Variants in TRAF2 observed in about 807,000 individuals in gnomAD.
TRAF2 encodes TNF receptor-associated factor 2.
Under a neutral mutation model 55.6 loss-of-function variants are expected in TRAF2, and 6 were observed. That is an observed-to-expected ratio of 0.11 (90% CI 0.06 to 0.21). The LOEUF (loss-of-function observed/expected upper bound fraction) is 0.21, where lower values mean the gene tolerates loss of function less well. Among genes scored for constraint, TRAF2 ranks in the 10% least tolerant of loss-of-function variants. The probability of loss-of-function intolerance (pLI) is 1.00; values close to 1 mark genes in which losing one functional copy is unlikely to be tolerated. For synonymous variants in TRAF2, 329 were observed against 276.3 expected (o/e 1.19, Z -1.89); for missense variants, 561 against 684.5 (o/e 0.82, Z 2.01).
chr9:136,918,788 T>A (rs1029978580), intron 7 of TRAF2, among the ~76,000 whole-genome samples: 1 of 152,072 alleles, frequency 6.6e-6, no homozygotes, highest in Non-Finnish European at 1.5e-5. Flanking sequence ...CAGGCTGGAG[T>A]GCAGTGGCGC....
At chr9:136,899,811 G>T in intron 3 of TRAF2, 139 bp downstream of exon 3, 1 of 745,982 alleles carries the variant, frequency 1.3e-6, no homozygotes. Context: ...GATTGCTTGA[G>T]TCCAGGAGTT....
chr9:136,906,295 T>C (rs1408616787), intron 4 of TRAF2, among the ~76,000 whole-genome samples: 2 of 152,042 alleles, frequency 1.3e-5, no homozygotes, highest in African/African-American at 4.8e-5. Flanking sequence ...TATAAAGAAA[T>C]ACCCGAGACT....
At chr9:136,925,637 G>A in intron 10 of TRAF2, 46 bp from the exon 11 acceptor site, 16 of 1,595,592 alleles carry the variant, frequency 1.0e-5, no homozygotes, top group African/African-American at 1.3e-5. Flanking sequence ...GCCAGAGAGA[G>A]ACGGCCCACA....
At chr9:136,900,181 AAGAAT>A (rs1301917526) in intron 3 of TRAF2, among the ~76,000 whole-genome samples, 61 of 122,240 alleles carry the variant, frequency 5.0e-4, no homozygotes, top group African/African-American at 7.7e-4. Flanking sequence ...AAAAAAAAAA[AAGAAT>A]AAAGGGCCGC....
At chr9:136,893,029 C>T (rs1430623028) in intron 1 of TRAF2, among the ~76,000 whole-genome samples, 4 of 152,182 alleles carry the variant, frequency 2.6e-5, no homozygotes, top group African/African-American at 7.2e-5. Context: ...GTATGTAGCA[C>T]GTCTCCACAT....
At chr9:136,920,025 A>AGT (rs1850345365) in intron 7 of TRAF2, among the ~76,000 whole-genome samples, 1 of 152,196 alleles carries the variant, frequency 6.6e-6, no homozygotes, top group Non-Finnish European at 1.5e-5. Context: ...GCTGCAACTA[A>AGT]GTTCTATAGC....
chr9:136,919,429 G>A (rs1850328773), intron 7 of TRAF2, among the ~76,000 whole-genome samples: 1 of 151,260 alleles, frequency 6.6e-6, no homozygotes, highest in Admixed American at 6.6e-5. Flanking sequence ...CCAAGTAGCT[G>A]GGATTACAGG....
At chr9:136,913,556 C>G (rs1019906213) in intron 6 of TRAF2, among the ~76,000 whole-genome samples, 1 of 152,042 alleles carries the variant, frequency 6.6e-6, no homozygotes, top group African/African-American at 2.4e-5. Flanking sequence ...CTCGGCCTCC[C>G]AAAGTGCTGG....
chr9:136,903,777 G>A (rs982974429), intron 4 of TRAF2, among the ~76,000 whole-genome samples: 1 of 152,220 alleles, frequency 6.6e-6, no homozygotes, highest in African/African-American at 2.4e-5. Flanking sequence ...CGCCTCCCGG[G>A]TTCACACCAT....
At chr9:136,893,645 T>C (rs17250778) in intron 1 of TRAF2, among the ~76,000 whole-genome samples, 540 of 152,346 alleles carry the variant, frequency 3.5e-3, no homozygotes, top group Non-Finnish European at 6.2e-3. Context: ...AAGGAAACTT[T>C]GGGGAATGTT....
intron 3 of TRAF2, 22 bp downstream of exon 3, chr9:136,899,694 TAAAA>T (rs1334014876): frequency 6.2e-7 from 1 of 1,605,792 alleles, no homozygotes; most frequent in Admixed American, 1.7e-5. Context: ...GTCTTGAAGC[TAAAA>T]ATGTTGAACA....
At chr9:136,900,400 C>G (rs760333310) in intron 3 of TRAF2, 22 bp from the exon 4 acceptor site, 11 of 1,552,656 alleles carry the variant, frequency 7.1e-6, no homozygotes, top group Non-Finnish European at 8.7e-6. Flanking sequence ...AGGTTTAACC[C>G]GAGGGATATT....
intron 5 of TRAF2, among the ~76,000 whole-genome samples, chr9:136,908,869 CG>C (rs1183261879): frequency 3.7e-5 from 2 of 54,424 alleles, no homozygotes; most frequent in African/African-American, 9.6e-5. Context: ...GATTCCGTCT[CG>C]GAAAAAAAAA....
intron 4 of TRAF2, among the ~76,000 whole-genome samples, chr9:136,904,382 T>TTTA (rs1280828193): frequency 6.6e-6 from 1 of 152,108 alleles, no homozygotes; most frequent in Non-Finnish European, 1.5e-5. Context: ...TTTACTATGT[T>TTTA]TTAAAGAACA....
At chr9:136,891,619 G>T (rs1849581708) in intron 1 of TRAF2, among the ~76,000 whole-genome samples, 1 of 152,082 alleles carries the variant, frequency 6.6e-6, no homozygotes, top group Non-Finnish European at 1.5e-5. Flanking sequence ...ACCTTCAAGA[G>T]CGCATTTAGG....
chr9:136,909,452 C>T (rs901205975), intron 5 of TRAF2, among the ~76,000 whole-genome samples: 1 of 152,132 alleles, frequency 6.6e-6, no homozygotes. Flanking sequence ...CCCTGAGACC[C>T]ATCTGCACTT....
chr9:136,917,636 G>C (rs1421623859), intron 7 of TRAF2, among the ~76,000 whole-genome samples: 1 of 152,252 alleles, frequency 6.6e-6, no homozygotes, highest in Non-Finnish European at 1.5e-5. Flanking sequence ...TTCCTTGCTT[G>C]AAGACAGGGA....
chr9:136,919,665 C>T (rs1192095852), intron 7 of TRAF2, among the ~76,000 whole-genome samples: 1 of 81,022 alleles, frequency 1.2e-5, no homozygotes, highest in African/African-American at 5.3e-5. Flanking sequence ...CCTCCCCCTC[C>T]TTCTTTCCCT....
chr9:136,898,950 G>A, intron 2 of TRAF2, 22 bp downstream of exon 2: 1 of 1,582,538 alleles, frequency 6.3e-7, no homozygotes, highest in South Asian at 1.1e-5. Flanking sequence ...CTGCAGGCTG[G>A]GAGGAGGGGC....
Sources: gnomAD v4.1 joint callset for allele counts (sites outside exome capture counted in the v4.1 genomes callset) on GRCh38, gnomAD v4.1.1 for gene constraint, MANE v1.5 for transcripts, NCBI Gene and HGNC (gene_info 2026-07-23, HGNC 2026-07-21) for gene names.